Variants in GABRA5 observed in about 807,000 individuals in gnomAD.
GABRA5 encodes the protein gamma-aminobutyric acid receptor subunit alpha-5.
Under a neutral mutation model 47.3 loss-of-function variants are expected in GABRA5, and 18 were observed. The ratio of observed to expected loss-of-function variants is 0.38; its 90% CI spans 0.26 to 0.56. GABRA5 has a LOEUF of 0.56. Ranked by LOEUF, GABRA5 falls within the 20% of genes least tolerant of loss-of-function variation. The pLI is 0.71. For missense variants in GABRA5, 365 were observed against 599.3 expected (o/e 0.61, Z 4.08); for synonymous variants, 237 against 229.3 (o/e 1.03, Z -0.30).
At chr15:26,875,865 GATA>G (rs1892584717) in intron 3 of GABRA5, among the ~76,000 whole-genome samples, 1 of 152,144 alleles carries the variant, frequency 6.6e-6, no homozygotes, top group Non-Finnish European at 1.5e-5. Flanking sequence ...ATTTAGATGT[GATA>G]ATGATGTGAC....
chr15:26,883,558 G>GT lies in GABRA5; in HGVS notation c.497+2dup. The stretch of plus-strand genomic sequence containing the variant: ...ACGGCACCCTGCTCTACACCATGCG[G>GT]TGAGCGCCGGGCGGGGGCGGGCGGG... On this transcript the variant is annotated splice_donor_variant, in intron 6 of 10. Transcript: ENST00000335625. LOFTEE classifies it high-confidence loss of function. The surrounding 1 kb of genome is among the most constrained non-coding windows in gnomAD (Gnocchi z 4.8). 1 of 1,579,286 alleles carries GT rather than the reference G, an allele frequency of 6.3e-7. No individual in the cohort carries two copies. Among genetic ancestry groups the GT allele is most frequent in the Non-Finnish European group, 8.6e-7 (1 of 1,156,642 alleles).
Position 26,867,407 on chromosome 15 carries a change from C to T in GABRA5, c.-140+296C>T, listed in dbSNP as rs1674188823. The T allele has an allele frequency of 6.6e-6, 1 of 151,798 alleles. No homozygotes were observed. The highest frequency in any genetic ancestry group is 2.0e-4 in the East Asian group (1 of 5,060). The allele number at this position is 151,798 out of a possible 1,614,324, so 9.4% of individuals were successfully genotyped here. ...AGGGTGAGCCCTGGGCGCGCTGGGC[C>T]GGGGCAGTGGGGTAAGAGGACGCGA... is the stretch of plus-strand genomic sequence containing the variant. On this transcript the variant is annotated intron_variant, in intron 1 of 10. Transcript: ENST00000335625. This position sits in a 1 kb window ranked among gnomAD's most constrained non-coding sequence, Gnocchi z 5.9.
intron 7 of GABRA5, among the ~76,000 whole-genome samples, chr15:26,925,994 G>C (rs777273627): frequency 2.6e-5 from 4 of 152,136 alleles, no homozygotes; most frequent in Non-Finnish European, 4.4e-5. Flanking sequence ...ACATCACTGT[G>C]GGCCTCTCTT....
intron 6 of GABRA5, among the ~76,000 whole-genome samples, chr15:26,898,224 C>T (rs1893245112): frequency 6.6e-6 from 1 of 152,138 alleles, no homozygotes; most frequent in South Asian, 2.1e-4. Flanking sequence ...AAAAACAAAT[C>T]CTCTGTTCAG....
intron 3 of GABRA5, 192 bp from the exon 4 acceptor site, chr15:26,880,654 A>G (rs182766456): frequency 4.0e-6 from 2 of 494,832 alleles, no homozygotes; most frequent in Non-Finnish European, 7.1e-6. Context: ...AGCCCCAAGC[A>G]GAGTATCCTT....
chr15:26,892,661 T>G (rs1893036475), intron 6 of GABRA5, among the ~76,000 whole-genome samples: 1 of 152,248 alleles, frequency 6.6e-6, no homozygotes, highest in Non-Finnish European at 1.5e-5. Context: ...TTAGCTTTCT[T>G]CTCAGTAGGA....
rs762670835 is a variant in GABRA5, at chr15:26,948,155, C to T, written c.1311C>T (p.Phe437=). ...KMSRIVFPVL[F]GTFNLVYWAT... is the part of the protein sequence containing the mutation. ...CCCGAATCGTATTCCCAGTCTTGTT[C>T]GGCACTTTCAACTTAGTTTACTGGG... Residue 437 remains phenylalanine (F), a synonymous_variant, in exon 11 of 11, where the codon TTC becomes TTT. Transcript: ENST00000335625. The T allele has an allele frequency of 7.4e-6, 12 of 1,613,620 alleles. No homozygotes were observed. The highest frequency in any genetic ancestry group is 2.7e-5 in the African/African-American group (2 of 74,898).
chr15:26,936,775 T>C (rs567595623), intron 7 of GABRA5, among the ~76,000 whole-genome samples: 3 of 152,112 alleles, frequency 2.0e-5, no homozygotes, highest in Non-Finnish European at 2.9e-5. Context: ...CATGCAGTCA[T>C]AGCCAGAGCC....
chr15:26,875,302 G>C (rs535747515), intron 3 of GABRA5, among the ~76,000 whole-genome samples: 50 of 152,250 alleles, frequency 3.3e-4, no homozygotes, highest in African/African-American at 1.1e-3. Context: ...TGTCTCCCTC[G>C]CAGGGGCATC....
At chr15:26,924,623 C>T (rs1056062194) in intron 7 of GABRA5, among the ~76,000 whole-genome samples, 3 of 152,144 alleles carry the variant, frequency 2.0e-5, no homozygotes, top group Non-Finnish European at 4.4e-5. Context: ...TCTGGTGTCA[C>T]TCCATCAGTG....
intron 6 of GABRA5, among the ~76,000 whole-genome samples, chr15:26,908,579 A>C (rs1241844003): frequency 6.6e-6 from 1 of 152,188 alleles, no homozygotes; most frequent in Admixed American, 6.5e-5. Flanking sequence ...TGTGTTTTTT[A>C]CAAGGCCTCT....
chr15:26,896,416 C>T (rs1364937022), intron 6 of GABRA5, among the ~76,000 whole-genome samples: 1 of 152,176 alleles, frequency 6.6e-6, no homozygotes, highest in Non-Finnish European at 1.5e-5. Context: ...GCCAGAAACC[C>T]AGTGGGTTTC....
At chr15:26,892,512 C>A (rs1272121446) in intron 6 of GABRA5, among the ~76,000 whole-genome samples, 1 of 152,234 alleles carries the variant, frequency 6.6e-6, no homozygotes, top group Non-Finnish European at 1.5e-5. Flanking sequence ...TATTTCAAGG[C>A]AAGTTAGAGT....
intron 7 of GABRA5, among the ~76,000 whole-genome samples, chr15:26,923,374 T>C (rs548865026): frequency 6.6e-6 from 1 of 152,222 alleles, no homozygotes; most frequent in Non-Finnish European, 1.5e-5. Flanking sequence ...GGATATGGGA[T>C]TAAGCTTTGA....
At chr15:26,924,881 G>A (rs1381814074) in intron 7 of GABRA5, among the ~76,000 whole-genome samples, 1 of 152,154 alleles carries the variant, frequency 6.6e-6, no homozygotes, top group Non-Finnish European at 1.5e-5. Flanking sequence ...CCAAACCTGG[G>A]ATGTGTAAGA....
At chr15:26,885,423 G>A (rs1892855538) in intron 6 of GABRA5, among the ~76,000 whole-genome samples, 1 of 152,188 alleles carries the variant, frequency 6.6e-6, no homozygotes, top group Admixed American at 6.5e-5. Context: ...AATGATGCTG[G>A]CAGGTGGAAA....
At chr15:26,933,059 T>C (rs1894147162) in intron 7 of GABRA5, among the ~76,000 whole-genome samples, 1 of 150,326 alleles carries the variant, frequency 6.7e-6, no homozygotes, top group Non-Finnish European at 1.5e-5. Flanking sequence ...TGTTTGCCTA[T>C]GTAACAAACA....
intron 6 of GABRA5, among the ~76,000 whole-genome samples, chr15:26,908,545 A>G (rs896888909): frequency 4.6e-5 from 7 of 152,194 alleles, no homozygotes; most frequent in Non-Finnish European, 8.8e-5. Context: ...TGGTGCATAG[A>G]AAGTTTTCTA....
chr15:26,939,253 C>T lies in GABRA5; in HGVS notation c.725-672C>T, dbSNP rs768585073. ...GCTCCTTACCAGTTCACCGTGAGGA[C>T]GGCATCATTCTCAGCAATGAATGGG... On this transcript the variant is annotated intron_variant, in intron 8 of 10. Coordinates refer to ENST00000335625, the MANE Select transcript of GABRA5 (RefSeq NM_000810.4). 3.7e-5 allele frequency: 28 copies of T among 765,214 alleles called. No individual in the cohort carries two copies. Among genetic ancestry groups the T allele is most frequent in the South Asian group, 5.4e-5 (4 of 74,622 alleles). The allele number at this position is 765,214 out of a possible 1,614,324, so 47.4% of individuals were successfully genotyped here.
Sources: allele counts gnomAD v4.1 joint callset (sites outside exome capture counted in the v4.1 genomes callset), GRCh38; gene constraint gnomAD v4.1.1; non-coding constraint Gnocchi (gnomAD v3.1); transcripts MANE v1.5; gene names NCBI Gene and HGNC (gene_info 2026-07-23, HGNC 2026-07-21).